SLC35F1: variants seen among roughly 807,000 people sequenced by gnomAD.
The protein encoded by SLC35F1 is solute carrier family 35 member F1.
A neutral mutation model predicts 48.7 loss-of-function variants in SLC35F1; 14 were observed. The ratio of observed to expected loss-of-function variants is 0.29; its 90% confidence interval spans 0.19 to 0.45. The LOEUF (loss-of-function observed/expected upper bound fraction) is 0.45, where lower values mean the gene tolerates loss of function less well. Among genes scored for constraint, SLC35F1 ranks in the 20% least tolerant of loss-of-function variants. The pLI, the probability that SLC35F1 is intolerant of heterozygous loss-of-function variation, is 1.00. For missense variants in SLC35F1, 404 were observed against 500.0 expected, an observed-to-expected ratio of 0.81 and a Z score of 1.83; for synonymous variants, 190 against 202.2, an observed-to-expected ratio of 0.94 and a Z score of 0.51.
chr6:118,196,885 G>GT (rs1427652805), intron 2 of SLC35F1, among the ~76,000 whole-genome samples: 3 of 151,682 alleles, frequency 2.0e-5, no homozygotes, highest in Non-Finnish European at 2.9e-5. Flanking sequence ...TAACATAAGG[G>GT]TCCCATTTTA....
chr6:118,168,645 C>A (rs1223369460), intron 2 of SLC35F1, among the ~76,000 whole-genome samples: 2 of 152,120 alleles, frequency 1.3e-5, no homozygotes, highest in Non-Finnish European at 2.9e-5. Context: ...TCTTCCTTTA[C>A]GAGCAGTTAT....
chr6:118,145,637 GATTT>G (rs1562304561), intron 1 of SLC35F1, among the ~76,000 whole-genome samples: 1 of 152,050 alleles, frequency 6.6e-6, no homozygotes, highest in Non-Finnish European at 1.5e-5. Flanking sequence ...TTTAAATATG[GATTT>G]ATTTCCATTT....
At chr6:118,147,251 C>T (rs1413545381) in intron 1 of SLC35F1, among the ~76,000 whole-genome samples, 1 of 152,148 alleles carries the variant, frequency 6.6e-6, no homozygotes, top group Non-Finnish European at 1.5e-5. Context: ...CTGCACGTTC[C>T]AGTTGCTCAT....
intron 1 of SLC35F1, among the ~76,000 whole-genome samples, chr6:118,047,054 A>G (rs970948853): frequency 1.3e-5 from 2 of 152,198 alleles, no homozygotes; most frequent in African/African-American, 2.4e-5. Flanking sequence ...AAGAAGAGAC[A>G]TACTCTCAGA....
At chr6:118,286,612 C>T (rs1171984839) in intron 7 of SLC35F1, among the ~76,000 whole-genome samples, 1 of 152,080 alleles carries the variant, frequency 6.6e-6, no homozygotes, top group East Asian at 1.9e-4. Flanking sequence ...AATAAAGTTC[C>T]TATTTTTCCT....
At chr6:117,948,169 A>G (rs1490009543) in intron 1 of SLC35F1, among the ~76,000 whole-genome samples, 1 of 152,226 alleles carries the variant, frequency 6.6e-6, no homozygotes, top group Non-Finnish European at 1.5e-5. Flanking sequence ...ACAGGGCTTT[A>G]ACCAAGACAA....
At chr6:117,908,051 G>T (rs1201492063) in intron 1 of SLC35F1, 152 bp downstream of exon 1, 1 of 750,838 alleles carries the variant, frequency 1.3e-6, no homozygotes, top group Non-Finnish European at 1.8e-6. Context: ...GCGCTCCGCG[G>T]GCGCAGAGAG....
At chr6:118,166,418 G>T (rs998238660) in intron 2 of SLC35F1, among the ~76,000 whole-genome samples, 8 of 152,228 alleles carry the variant, frequency 5.3e-5, no homozygotes, top group Non-Finnish European at 1.0e-4. Flanking sequence ...AGATTTCAAC[G>T]TTTGGCTTAG....
intron 1 of SLC35F1, among the ~76,000 whole-genome samples, chr6:118,058,503 A>G (rs1484094784): frequency 6.6e-6 from 1 of 152,038 alleles, no homozygotes; most frequent in Non-Finnish European, 1.5e-5. Flanking sequence ...TGAGATTTTT[A>G]TAGAACAAGG....
At chr6:118,022,991 C>T (rs185351731) in intron 1 of SLC35F1, among the ~76,000 whole-genome samples, 2 of 152,032 alleles carry the variant, frequency 1.3e-5, no homozygotes, top group Non-Finnish European at 2.9e-5. Flanking sequence ...ATCTCCTGAT[C>T]TCATGATCCG....
At chr6:118,229,528 A>G (rs1429414449) in intron 2 of SLC35F1, among the ~76,000 whole-genome samples, 3 of 152,236 alleles carry the variant, frequency 2.0e-5, no homozygotes, top group Non-Finnish European at 4.4e-5. Flanking sequence ...TGCATGACTC[A>G]TGAGGATAAT....
chr6:117,958,778 T>C (rs1040539931), intron 1 of SLC35F1, among the ~76,000 whole-genome samples: 1 of 152,232 alleles, frequency 6.6e-6, no homozygotes, highest in African/African-American at 2.4e-5. Context: ...GTTTCCTCAT[T>C]GTTAAGCTAC....
chr6:118,070,665 T>C (rs966506244), intron 1 of SLC35F1, among the ~76,000 whole-genome samples: 1 of 151,744 alleles, frequency 6.6e-6, no homozygotes, highest in African/African-American at 2.4e-5. Flanking sequence ...AGAATATTTC[T>C]AAATAATATG....
At chr6:118,034,895 G>C (rs1772105013) in intron 1 of SLC35F1, among the ~76,000 whole-genome samples, 1 of 152,040 alleles carries the variant, frequency 6.6e-6, no homozygotes, top group Non-Finnish European at 1.5e-5. Context: ...GGGTTATACT[G>C]GCCTTGTAAA....
chr6:117,959,765 T>C (rs1055266166), intron 1 of SLC35F1, among the ~76,000 whole-genome samples: 2 of 152,136 alleles, frequency 1.3e-5, no homozygotes, highest in Non-Finnish European at 2.9e-5. Flanking sequence ...ACCTGACATA[T>C]ATAAATGCAT....
intron 4 of SLC35F1, among the ~76,000 whole-genome samples, chr6:118,269,907 T>C (rs1003556275): frequency 6.6e-6 from 1 of 152,104 alleles, no homozygotes; most frequent in Non-Finnish European, 1.5e-5. Flanking sequence ...TGTGCACCTA[T>C]AGTCCTGCCA....
intron 1 of SLC35F1, among the ~76,000 whole-genome samples, chr6:117,947,169 T>A (rs371835466): frequency 6.6e-5 from 10 of 152,166 alleles, no homozygotes; most frequent in East Asian, 5.8e-4. Context: ...GACTTTTGAG[T>A]AAAGACTGGA....
At chr6:118,193,906 A>G (rs1261420640) in intron 2 of SLC35F1, among the ~76,000 whole-genome samples, 1 of 152,206 alleles carries the variant, frequency 6.6e-6, no homozygotes, top group East Asian at 1.9e-4. Context: ...ATTTAGACCA[A>G]ATGTCTTTAT....
At chr6:118,168,270 G>A (rs1013832449) in intron 2 of SLC35F1, among the ~76,000 whole-genome samples, 3 of 151,970 alleles carry the variant, frequency 2.0e-5, no homozygotes, top group African/African-American at 7.3e-5. Context: ...AGGCTATTTT[G>A]ATAAATATAA....
Sources: gnomAD v4.1 joint callset for allele counts (sites outside exome capture counted in the v4.1 genomes callset) on GRCh38, gnomAD v4.1.1 for gene constraint, MANE v1.5 for transcripts, NCBI Gene and HGNC (gene_info 2026-07-23, HGNC 2026-07-21) for gene names.